CSMD1: variants seen among roughly 807,000 people sequenced by gnomAD.
CSMD1 encodes CUB and sushi domain-containing protein 1.
Under a neutral mutation model 417.5 loss-of-function variants are expected in CSMD1, and 213 were observed. That is an observed-to-expected ratio of 0.51 (90% CI 0.46 to 0.57). The LOEUF is 0.57. Ranked by LOEUF, CSMD1 falls within the 20% of genes least tolerant of loss-of-function variation. The probability of loss-of-function intolerance (pLI) is 0.00; values close to 1 mark genes in which losing one functional copy is unlikely to be tolerated. For synonymous variants in CSMD1, 2,862 were observed against 1,736.8 expected, an observed-to-expected ratio of 1.65 and a Z score of -16.11; for missense variants, 6,923 against 4,529.7, an observed-to-expected ratio of 1.53 and a Z score of -15.17.
intron 5 of CSMD1, 83 bp downstream of exon 5, chr8:3,997,820 A>T: frequency 7.9e-7 from 1 of 1,266,364 alleles, no homozygotes; most frequent in Non-Finnish European, 1.1e-6. Flanking sequence ...ACGTCCAGAG[A>T]CAAGCAATTC....
chr8:2,968,393 C>T (rs1233353674), intron 57 of CSMD1, among the ~76,000 whole-genome samples: 1 of 152,154 alleles, frequency 6.6e-6, no homozygotes, highest in Admixed American at 6.5e-5. Flanking sequence ...TCTTCAAAAG[C>T]CACCTAGGTA....
At chr8:4,033,299 G>T (rs11780297) in intron 3 of CSMD1, among the ~76,000 whole-genome samples, 1 of 151,758 alleles carries the variant, frequency 6.6e-6, no homozygotes, top group Non-Finnish European at 1.5e-5. Flanking sequence ...AAAATTAGCC[G>T]GGCGTGGTGG....
chr8:4,732,056 T>A (rs780102168), intron 1 of CSMD1, among the ~76,000 whole-genome samples: 1 of 152,032 alleles, frequency 6.6e-6, no homozygotes, highest in African/African-American at 2.4e-5. Flanking sequence ...GCCCGTAGCT[T>A]TACATCTCTC....
At chr8:4,064,881 G>A (rs916221700) in intron 3 of CSMD1, among the ~76,000 whole-genome samples, 5 of 151,834 alleles carry the variant, frequency 3.3e-5, no homozygotes, top group African/African-American at 1.2e-4. Flanking sequence ...GTATCTACAT[G>A]GGTTTCCTCA....
At position 2,965,791 on chromosome 8, in the gene CSMD1, G is replaced by A. The variant is rs1250778359; in HGVS notation, c.9264C>T (p.Ser3088=). 1 of 1,606,822 alleles carries A rather than the reference G, an allele frequency of 6.2e-7. No individual in the cohort carries two copies. Residue 3088 remains serine (S), a synonymous_variant, in exon 59 of 70, where the codon AGC becomes AGT. Coordinates refer to ENST00000635120, the MANE Select transcript of CSMD1 (RefSeq NM_033225.6). ...RCTKDGRWNP[S]KPVCKAVLCP... ...CAAACAAACCTTTGCAGACAGGTTT[G>A]CTCGGATTCCACCTGCCGTCTTTGG...
intron 10 of CSMD1, among the ~76,000 whole-genome samples, chr8:3,552,073 C>T (rs1479914923): frequency 6.6e-6 from 1 of 152,152 alleles, no homozygotes; most frequent in Non-Finnish European, 1.5e-5. Flanking sequence ...ATTGTGAAAA[C>T]AAATGGTAAA....
At chr8:3,181,917 G>C (rs981082723) in intron 36 of CSMD1, among the ~76,000 whole-genome samples, 3 of 152,160 alleles carry the variant, frequency 2.0e-5, no homozygotes, top group African/African-American at 7.2e-5. Flanking sequence ...TCACTCAGAA[G>C]TTTGAGACAT....
rs1804534129 is a variant in CSMD1, at chr8:3,302,978, C to T, written c.3950+4717G>A. ...TGACCAGCAACTGCTCCCAGAGCCCCAGGTTAAAGGGGGTCTGGAGTAGCA... is the reference window on the plus strand; with the variant it reads ...TGACCAGCAACTGCTCCCAGAGCCCTAGGTTAAAGGGGGTCTGGAGTAGCA... On this transcript the variant is annotated intron_variant, in intron 25 of 69. Coordinates refer to ENST00000635120, the MANE Select transcript of CSMD1 (RefSeq NM_033225.6). Among the ~76,000 whole-genome samples, 3 of 152,244 alleles carry T rather than the reference C, an allele frequency of 2.0e-5. No individual in the cohort carries two copies. The South Asian group carries it at 6.2e-4, about 32-fold the overall frequency.
intron 2 of CSMD1, among the ~76,000 whole-genome samples, chr8:4,633,451 G>A (rs767834565): frequency 5.3e-5 from 8 of 151,650 alleles, no homozygotes; most frequent in Admixed American, 1.3e-4. Context: ...GGGTTTCACC[G>A]TGTTAGCCAG....
At chr8:4,237,594 G>A (rs185920327) in intron 3 of CSMD1, among the ~76,000 whole-genome samples, 1 of 151,678 alleles carries the variant, frequency 6.6e-6, no homozygotes, top group South Asian at 2.1e-4. Context: ...GAGCACAATA[G>A]TGTCATCACA....
intron 3 of CSMD1, among the ~76,000 whole-genome samples, chr8:4,033,110 T>C (rs1254453023): frequency 7.1e-6 from 1 of 141,086 alleles, no homozygotes; most frequent in African/African-American, 2.7e-5. Context: ...AACTTAACTC[T>C]TGCAATTAAT....
chr8:3,676,204 C>G (rs1393779023), intron 7 of CSMD1, among the ~76,000 whole-genome samples: 1 of 152,132 alleles, frequency 6.6e-6, no homozygotes, highest in Non-Finnish European at 1.5e-5. Flanking sequence ...GTCCATACTG[C>G]ATTATGTGTT....
chr8:4,672,559 G>T (rs1480541296), intron 1 of CSMD1, among the ~76,000 whole-genome samples: 1 of 152,152 alleles, frequency 6.6e-6, no homozygotes, highest in Non-Finnish European at 1.5e-5. Context: ...ACCAATCACA[G>T]AAAGTGTAAG....
At chr8:4,924,049 A>T (rs982304471) in intron 1 of CSMD1, among the ~76,000 whole-genome samples, 2 of 152,174 alleles carry the variant, frequency 1.3e-5, no homozygotes, top group Non-Finnish European at 2.9e-5. Flanking sequence ...TTGAAGTCTC[A>T]ATCACTGTAG....
intron 56 of CSMD1, among the ~76,000 whole-genome samples, chr8:2,973,700 C>A (rs1230781649): frequency 6.6e-6 from 1 of 151,086 alleles, no homozygotes; most frequent in East Asian, 1.9e-4. Flanking sequence ...AGGTTTAGCT[C>A]TTCAGAATTG....
At chr8:4,030,473 C>A (rs1052716249) in intron 4 of CSMD1, among the ~76,000 whole-genome samples, 2 of 152,200 alleles carry the variant, frequency 1.3e-5, no homozygotes, top group Non-Finnish European at 2.9e-5. Context: ...CTTTATGTTG[C>A]CCCTTTCAGC....
chr8:3,869,618 C>T (rs562931538), intron 5 of CSMD1, among the ~76,000 whole-genome samples: 1 of 152,280 alleles, frequency 6.6e-6, no homozygotes, highest in African/African-American at 2.4e-5. Flanking sequence ...CATGCACTTT[C>T]TCACCGCTGA....
At chr8:4,808,180 G>A (rs1798697198) in intron 1 of CSMD1, among the ~76,000 whole-genome samples, 1 of 152,200 alleles carries the variant, frequency 6.6e-6, no homozygotes, top group Non-Finnish European at 1.5e-5. Flanking sequence ...GAGGGCGGCA[G>A]GCAGATTGGT....
chr8:3,696,259 T>C (rs1290906250), intron 7 of CSMD1, among the ~76,000 whole-genome samples: 1 of 152,216 alleles, frequency 6.6e-6, no homozygotes, highest in African/African-American at 2.4e-5. Flanking sequence ...TTGCTCTTCC[T>C]GCAAGTATTC....
Sources: allele counts gnomAD v4.1 joint callset (sites outside exome capture counted in the v4.1 genomes callset), GRCh38; gene constraint gnomAD v4.1.1; transcripts MANE v1.5; gene names NCBI Gene and HGNC (gene_info 2026-07-23, HGNC 2026-07-21).